Variants in AGMO observed in about 807,000 individuals in gnomAD.
AGMO encodes alkylglycerol monooxygenase.
AGMO carries 75 observed loss-of-function variants against 60.2 expected under a neutral mutation model. The observed-to-expected ratio is 1.25, with a 90% confidence interval of 1.03 to 1.51. AGMO has a LOEUF of 1.51. Among genes scored for constraint, AGMO ranks in the 40% most tolerant of loss-of-function variants. The probability of loss-of-function intolerance (pLI) is 0.00; values close to 1 mark genes in which losing one functional copy is unlikely to be tolerated. For missense variants in AGMO, 763 were observed against 525.5 expected (o/e 1.45, Z -4.42); for synonymous variants, 261 against 177.1 (o/e 1.47, Z -3.76).
rs376684569 is a variant in AGMO at position 15,557,200 on chromosome 7, G to A, written c.257+2941C>T. ...ACAACATTTCTATTACATGAATGGCGAAGTGGAAAAACACGTTCGCTTTGA... is the reference window on the plus strand; with the variant it reads ...ACAACATTTCTATTACATGAATGGCAAAGTGGAAAAACACGTTCGCTTTGA... On this transcript the variant is annotated intron_variant, in intron 2 of 12. Coordinates refer to ENST00000342526, the MANE Select transcript of AGMO (RefSeq NM_001004320.2). Among the ~76,000 whole-genome samples the A allele has an allele frequency of 1.6e-4, 25 of 152,126 alleles. No homozygotes were observed. In the East Asian group the frequency reaches 2.3e-3, roughly 14 times the overall value.
intron 3 of AGMO, among the ~76,000 whole-genome samples, chr7:15,536,780 C>CA (rs1246684681): frequency 6.6e-6 from 1 of 151,828 alleles, no homozygotes. Flanking sequence ...ATGATTACCG[C>CA]AAAAATCTTA....
At chr7:15,549,287 T>C (rs1784877514) in intron 2 of AGMO, among the ~76,000 whole-genome samples, 1 of 147,652 alleles carries the variant, frequency 6.8e-6, no homozygotes, top group Non-Finnish European at 1.5e-5. Flanking sequence ...GCTAACATCA[T>C]AATGACAGGA....
chr7:15,200,246 A>T (rs543630109), downstream of AGMO: 1 of 152,146 alleles, frequency 6.6e-6, no homozygotes, highest in South Asian at 2.1e-4. Flanking sequence ...CATCCTGCTT[A>T]TCCCTGTCAG....
intron 12 of AGMO, among the ~76,000 whole-genome samples, chr7:15,291,448 T>A: frequency 6.6e-6 from 1 of 152,350 alleles, no homozygotes; most frequent in East Asian, 1.9e-4. Flanking sequence ...TTCTTAAGTA[T>A]GACTCAATAT....
intron 3 of AGMO, among the ~76,000 whole-genome samples, chr7:15,482,335 A>G (rs1273439793): frequency 1.3e-5 from 2 of 152,128 alleles, no homozygotes; most frequent in African/African-American, 4.8e-5. Flanking sequence ...GATATCACTA[A>G]AAGTCCTACA....
At chr7:15,289,117 C>T (rs182065082) in intron 12 of AGMO, among the ~76,000 whole-genome samples, 2 of 150,564 alleles carry the variant, frequency 1.3e-5, no homozygotes, top group East Asian at 1.9e-4. Context: ...TTCTTATTTA[C>T]AAAAAAAAAT....
chr7:15,136,749 ATG>A, the AGMO span, among the ~76,000 whole-genome samples: 721 of 150,446 alleles, frequency 4.8e-3, 6 homozygotes, highest in African/African-American at 0.016. Flanking sequence ...TGTGATGTGT[ATG>A]TGTGTGTGTG....
the AGMO span, among the ~76,000 whole-genome samples, chr7:15,180,085 C>G: frequency 6.6e-6 from 1 of 152,098 alleles, no homozygotes; most frequent in Non-Finnish European, 1.5e-5. Context: ...CCTTTGGGGT[C>G]TTTATTATGT....
chr7:15,365,699 C>A, intron 11 of AGMO, 80 bp from the exon 12 acceptor site: 1 of 969,364 alleles, frequency 1.0e-6, no homozygotes, highest in Non-Finnish European at 1.5e-6. Context: ...ATATAAACTT[C>A]TCATTCTCAA....
chr7:15,252,356 T>C (rs1782964413), intron 12 of AGMO, among the ~76,000 whole-genome samples: 1 of 152,194 alleles, frequency 6.6e-6, no homozygotes, highest in South Asian at 2.1e-4. Context: ...TCCTTCCCTT[T>C]GAGTGTGGGT....
At chr7:15,459,817 A>C (rs979735406) in intron 3 of AGMO, among the ~76,000 whole-genome samples, 1 of 152,134 alleles carries the variant, frequency 6.6e-6, no homozygotes, top group Admixed American at 6.6e-5. Context: ...GTGAGTAGAA[A>C]AACTAAAAAT....
chr7:15,250,945 CA>C (rs199650043), intron 12 of AGMO, among the ~76,000 whole-genome samples: 33 of 137,396 alleles, frequency 2.4e-4, no homozygotes, highest in Middle Eastern at 3.7e-3. Flanking sequence ...AACTCCATCT[CA>C]AAAAAAAAAA....
chr7:15,173,993 A>G, the AGMO span, among the ~76,000 whole-genome samples: 4 of 152,122 alleles, frequency 2.6e-5, no homozygotes, highest in South Asian at 6.2e-4. Context: ...CATGAAGAAT[A>G]TGACCCCATT....
chr7:15,560,021 C>A, intron 2 of AGMO, 120 bp downstream of exon 2: 1 of 994,576 alleles, frequency 1.0e-6, no homozygotes, highest in South Asian at 2.6e-5. Context: ...ATGACATGAA[C>A]TGAATTTTTT....
intron 12 of AGMO, among the ~76,000 whole-genome samples, chr7:15,246,560 T>G (rs1782748917): frequency 6.6e-6 from 1 of 152,276 alleles, no homozygotes; most frequent in South Asian, 2.1e-4. Flanking sequence ...TAGCCCCAAA[T>G]ATACATCCCC....
chr7:15,197,356 T>C (rs1410161835), downstream of AGMO, among the ~76,000 whole-genome samples: 1 of 152,202 alleles, frequency 6.6e-6, no homozygotes, highest in Non-Finnish European at 1.5e-5. Context: ...GGGATTAAAT[T>C]ATATAATCAC....
At chr7:15,387,309 T>C (rs116935289) in intron 9 of AGMO, 97 bp downstream of exon 9, 19,526 of 1,380,126 alleles carry the variant, frequency 0.014, 169 homozygotes, top group Non-Finnish European at 0.017. Flanking sequence ...AACATCTTTT[T>C]ACAGATTTGC....
chr7:15,475,317 T>C (rs1007917819), intron 3 of AGMO, among the ~76,000 whole-genome samples: 3 of 152,026 alleles, frequency 2.0e-5, no homozygotes, highest in Admixed American at 2.0e-4. Context: ...ACAGACTGGA[T>C]AAAGAAAATG....
Position 15,361,825 on chromosome 7 carries a change from C to T in AGMO, c.1263+3689G>A, listed in dbSNP as rs555542381. 2.6e-4 allele frequency among the ~76,000 whole-genome samples: 40 copies of T among 152,172 alleles called. No homozygotes were observed. The South Asian group carries it at 7.7e-3, about 29-fold the overall frequency. On this transcript the variant is annotated intron_variant, in intron 12 of 12. Coordinates refer to ENST00000342526, the MANE Select transcript of AGMO (RefSeq NM_001004320.2). ...CCCAAATAATGTAGGAAGACTATTA[C>T]CATGCAGACTTACTAAGTTTGACTT...
Sources: allele counts gnomAD v4.1 joint callset (sites outside exome capture counted in the v4.1 genomes callset), GRCh38; gene constraint gnomAD v4.1.1; transcripts MANE v1.5; gene names NCBI Gene and HGNC (gene_info 2026-07-23, HGNC 2026-07-21).